The following NINJ2 variants were observed in gnomAD, a reference collection of about 807,000 sequenced individuals.
NINJ2 encodes the protein ninjurin 2.
NINJ2 carries 12 observed loss-of-function variants against 11.7 expected under a neutral mutation model. The ratio of observed to expected loss-of-function variants is 1.02; its 90% CI spans 0.66 to 1.66. The LOEUF (loss-of-function observed/expected upper bound fraction) is 1.66, where lower values mean the gene tolerates loss of function less well. Among genes scored for constraint, NINJ2 ranks in the 40% most tolerant of loss-of-function variants. NINJ2 has a pLI of 0.00. For missense variants in NINJ2, 187 were observed against 181.8 expected, an observed-to-expected ratio of 1.03 and a Z score of -0.16; for synonymous variants, 93 against 76.8, an observed-to-expected ratio of 1.21 and a Z score of -1.10.
intron 1 of NINJ2, among the ~76,000 whole-genome samples, chr12:587,445 T>C (rs1947654603): frequency 6.6e-6 from 1 of 152,228 alleles, no homozygotes; most frequent in African/African-American, 2.4e-5. Context: ...TCTTACAGAA[T>C]TTGCACAGCT....
chr12:574,306 A>C (rs989153888), intron 1 of NINJ2, among the ~76,000 whole-genome samples: 2 of 152,218 alleles, frequency 1.3e-5, no homozygotes, highest in African/African-American at 4.8e-5. Flanking sequence ...CCAGGGTGAC[A>C]GAGCGAGACT....
Position 585,591 on chromosome 12 carries a change from C to T in NINJ2, c.34-19413G>A, listed in dbSNP as rs140638261. Among the ~76,000 whole-genome samples, 922 of 152,096 alleles carry T rather than the reference C, an allele frequency of 6.1e-3. 9 individuals carry two copies. Among genetic ancestry groups the T allele is most frequent in the Middle Eastern group, 0.01 (3 of 294 alleles). On this transcript the variant is annotated intron_variant, in intron 1 of 3. Transcript: ENST00000305108. This position sits in a 1 kb window ranked among gnomAD's most constrained non-coding sequence, Gnocchi z 4.1. ...GGGAGGCTGAGCACAGGCACGGTCACGCTGTGTTGCACCCTGGCCTGCTCT... is the reference window on the plus strand; with the variant it reads ...GGGAGGCTGAGCACAGGCACGGTCATGCTGTGTTGCACCCTGGCCTGCTCT...
In NINJ2 at chr12:624,935, C is replaced by A. The variant is rs569836731; in HGVS notation, c.33+38393G>T. On this transcript the variant is annotated intron_variant, in intron 1 of 3. Transcript: ENST00000305108. ...ACCAGCCTGGCCAACATGGTGAAAC[C>A]CCGTCTTTACTAAAAATACAAATAT... Among the ~76,000 whole-genome samples the A allele has an allele frequency of 9.0e-4, 136 of 151,680 alleles. 2 individuals are homozygous for A. The highest frequency in any genetic ancestry group is 3.0e-3 in the African/African-American group (125 of 41,408).
At chr12:584,910 A>C (rs977562155) in intron 1 of NINJ2, among the ~76,000 whole-genome samples, 1 of 152,050 alleles carries the variant, frequency 6.6e-6, no homozygotes, top group Non-Finnish European at 1.5e-5. Context: ...GTGGATCAGG[A>C]GTTCGAGACC....
intron 1 of NINJ2, among the ~76,000 whole-genome samples, chr12:594,666 A>C (rs1441204449): frequency 6.6e-6 from 1 of 152,184 alleles, no homozygotes; most frequent in Non-Finnish European, 1.5e-5. Flanking sequence ...AAGGAAGAAA[A>C]GGAAGAAACA....
intron 1 of NINJ2, among the ~76,000 whole-genome samples, chr12:621,291 A>AT (rs202031735): frequency 6.6e-6 from 1 of 151,184 alleles, no homozygotes; most frequent in Non-Finnish European, 1.5e-5. Context: ...CTATAAAAAA[A>AT]TTTAAAAAAA....
intron 1 of NINJ2, among the ~76,000 whole-genome samples, chr12:641,891 A>ACTGCCCTG (rs1437348230): frequency 6.6e-6 from 1 of 151,216 alleles, no homozygotes; most frequent in Non-Finnish European, 1.5e-5. Flanking sequence ...CTCTTCTAAC[A>ACTGCCCTG]CTGCCCTGGA....
At chr12:593,355 T>A (rs1947739570) in intron 1 of NINJ2, among the ~76,000 whole-genome samples, 1 of 152,216 alleles carries the variant, frequency 6.6e-6, no homozygotes, top group African/African-American at 2.4e-5. Context: ...TAAAGAAGCA[T>A]CACAGGCAGG....
chr12:644,040 C>T (rs1937634612), intron 1 of NINJ2: 1 of 154,862 alleles, frequency 6.5e-6, no homozygotes. Flanking sequence ...GGCCGGCTCC[C>T]AGGGGGCCAG....
intron 1 of NINJ2, among the ~76,000 whole-genome samples, chr12:599,084 T>C (rs1947828211): frequency 6.6e-6 from 1 of 151,828 alleles, no homozygotes; most frequent in Admixed American, 6.6e-5. Context: ...AAAGCACAAA[T>C]TTGGAAAGTA....
At chr12:629,896 A>AAAAAAAAAAAAT in intron 1 of NINJ2, among the ~76,000 whole-genome samples, 2 of 9,902 alleles carry the variant, frequency 2.0e-4, no homozygotes, top group Non-Finnish European at 4.7e-4. Context: ...AAAAAAAAAA[A>AAAAAAAAAAAAT]ATATATATAT....
chr12:567,298 G>A (rs570662635), intron 1 of NINJ2, among the ~76,000 whole-genome samples: 16 of 139,002 alleles, frequency 1.2e-4, no homozygotes, highest in African/African-American at 4.1e-4. Context: ...AGATCACCAC[G>A]ACAGGACAGA....
chr12:637,470 G>A (rs911865347), intron 1 of NINJ2, among the ~76,000 whole-genome samples: 3 of 151,664 alleles, frequency 2.0e-5, no homozygotes, highest in African/African-American at 4.8e-5. Context: ...TGAAACCCCC[G>A]TCTCTACTAA....
At chr12:590,128 G>T (rs75524922) in intron 1 of NINJ2, among the ~76,000 whole-genome samples, 8,847 of 152,202 alleles carry the variant, frequency 0.058, 255 homozygotes, top group African/African-American at 0.067. Flanking sequence ...CTGTAGAGAC[G>T]GTGTCTTGCT....
rs1443175717 is a variant in NINJ2, at chr12:585,319, C to T, written c.34-19141G>A. Among the ~76,000 whole-genome samples the T allele has an allele frequency of 6.6e-6, 1 of 152,158 alleles. No homozygotes were observed. Among genetic ancestry groups the T allele is most frequent in the Non-Finnish European group, 1.5e-5 (1 of 68,030 alleles). On this transcript the variant is annotated intron_variant, in intron 1 of 3. Coordinates refer to ENST00000305108, the MANE Select transcript of NINJ2 (RefSeq NM_016533.6). This position sits in a 1 kb window ranked among gnomAD's most constrained non-coding sequence, Gnocchi z 4.1. ...TGAGCAGATGGTAGAACTGCCCATG[C>T]CAAGAGGGGTCCATACCAACTTCCG...
At chr12:589,321 G>A (rs1947687093) in intron 1 of NINJ2, among the ~76,000 whole-genome samples, 1 of 152,230 alleles carries the variant, frequency 6.6e-6, no homozygotes, top group African/African-American at 2.4e-5. Flanking sequence ...TATCTAAAAT[G>A]TATTTAGTGG....
intron 1 of NINJ2, among the ~76,000 whole-genome samples, chr12:622,508 G>T (rs986836463): frequency 6.6e-6 from 1 of 151,726 alleles, no homozygotes; most frequent in Non-Finnish European, 1.5e-5. Flanking sequence ...AAATGCTCAG[G>T]ACTCTATTTG....
chr12:625,150 G>A lies in NINJ2; in HGVS notation c.33+38178C>T, dbSNP rs538085617. ...TATATATAGATATATAGATATATTT[G>A]CCCTAGCTTAGTAACTATCATTAGC... is the stretch of plus-strand genomic sequence containing the variant. On this transcript the variant is annotated intron_variant, in intron 1 of 3. Coordinates refer to ENST00000305108, the MANE Select transcript of NINJ2 (RefSeq NM_016533.6). 6.8e-4 allele frequency among the ~76,000 whole-genome samples: 102 copies of A among 150,554 alleles called. 3 individuals are homozygous for A. In the South Asian group the frequency reaches 0.021, roughly 31 times the overall value.
intron 1 of NINJ2, among the ~76,000 whole-genome samples, chr12:635,540 T>C (rs931411122): frequency 1.3e-5 from 2 of 152,186 alleles, no homozygotes; most frequent in African/African-American, 4.8e-5. Flanking sequence ...TACAAAAGAA[T>C]GAAACTGGAC....
Sources: gnomAD v4.1 joint callset for allele counts (sites outside exome capture counted in the v4.1 genomes callset) on GRCh38, gnomAD v4.1.1 for gene constraint, Gnocchi (gnomAD v3.1) non-coding constraint, MANE v1.5 for transcripts, NCBI Gene and HGNC (gene_info 2026-07-23, HGNC 2026-07-21) for gene names.